Variants in NALCN observed in about 807,000 individuals in gnomAD.
NALCN encodes sodium leak channel NALCN.
In NALCN, 111 loss-of-function variants were observed where a neutral mutation model predicts 225.3. The observed-to-expected ratio is 0.49, with a 90% confidence interval of 0.42 to 0.58. The LOEUF (loss-of-function observed/expected upper bound fraction) is 0.58. Among genes scored for constraint, NALCN ranks in the 20% least tolerant of loss-of-function variants. The pLI is 0.00. For missense variants in NALCN, 1,378 were observed against 2,202.4 expected (o/e 0.63, Z 7.49); for synonymous variants, 764 against 769.0 (o/e 0.99, Z 0.11).
At chr13:101,259,659 T>G (rs1374089315) in intron 10 of NALCN, among the ~76,000 whole-genome samples, 1 of 150,426 alleles carries the variant, frequency 6.6e-6, no homozygotes, top group Non-Finnish European at 1.5e-5. Context: ...ATAAAGGTTA[T>G]CATGTATTAA....
chr13:101,417,177 TC>T (rs2047968588), upstream of NALCN, among the ~76,000 whole-genome samples: 2 of 152,072 alleles, frequency 1.3e-5, no homozygotes. Context: ...TTTAGGGAAA[TC>T]TGGCCTCCTA....
At chr13:101,187,009 C>T (rs1181830703) in intron 14 of NALCN, among the ~76,000 whole-genome samples, 1 of 152,102 alleles carries the variant, frequency 6.6e-6, no homozygotes, top group Non-Finnish European at 1.5e-5. Context: ...ACAATGTATG[C>T]ATGTATCAAA....
intron 7 of NALCN, among the ~76,000 whole-genome samples, chr13:101,295,779 C>T (rs1344595338): frequency 6.6e-6 from 1 of 152,196 alleles, no homozygotes; most frequent in East Asian, 1.9e-4. Flanking sequence ...GAAGAAGTAA[C>T]AGTTACAAAG....
intron 43 of NALCN, 58 bp from the exon 44 acceptor site, chr13:101,055,546 C>T (rs944239266): frequency 2.4e-5 from 35 of 1,457,292 alleles, no homozygotes; most frequent in Non-Finnish European, 3.3e-5. Flanking sequence ...ATTGTAATCA[C>T]TCCTAAAAAC....
intron 2 of NALCN, among the ~76,000 whole-genome samples, chr13:101,395,738 G>A (rs950167715): frequency 2.6e-5 from 4 of 151,926 alleles, no homozygotes; most frequent in Admixed American, 1.3e-4. Context: ...TAAAATATGT[G>A]TTTGTAATTT....
intron 18 of NALCN, among the ~76,000 whole-genome samples, chr13:101,120,159 T>C (rs1274460002): frequency 6.6e-6 from 1 of 152,202 alleles, no homozygotes; most frequent in Non-Finnish European, 1.5e-5. Context: ...TATAACATAC[T>C]TTCTGCTAGA....
intron 7 of NALCN, among the ~76,000 whole-genome samples, chr13:101,303,944 T>C (rs184222788): frequency 6.6e-6 from 1 of 152,326 alleles, no homozygotes; most frequent in Admixed American, 6.5e-5. Context: ...AACTCTAACA[T>C]GCAGAGAAAT....
chr13:101,306,026 G>A (rs1456725194), intron 7 of NALCN, among the ~76,000 whole-genome samples: 7 of 152,076 alleles, frequency 4.6e-5, no homozygotes, highest in African/African-American at 1.7e-4. Flanking sequence ...ACCATGTGAA[G>A]AGCCACAATT....
intron 9 of NALCN, among the ~76,000 whole-genome samples, chr13:101,290,664 A>G (rs777545592): frequency 6.6e-6 from 1 of 152,212 alleles, no homozygotes; most frequent in Non-Finnish European, 1.5e-5. Context: ...CATCATAAAG[A>G]TGCCTCAACA....
At chr13:101,123,029 C>A (rs2036055623) in intron 18 of NALCN, among the ~76,000 whole-genome samples, 1 of 152,132 alleles carries the variant, frequency 6.6e-6, no homozygotes, top group South Asian at 2.1e-4. Context: ...TTTCACCTTT[C>A]TTTTGTAAAC....
intron 26 of NALCN, among the ~76,000 whole-genome samples, chr13:101,102,552 C>A (rs1212497901): frequency 6.6e-6 from 1 of 152,130 alleles, no homozygotes; most frequent in African/African-American, 2.4e-5. Context: ...GAGCCTCTTT[C>A]TTGTTGTTTT....
At chr13:101,354,142 G>C (rs1173507314) in intron 6 of NALCN, among the ~76,000 whole-genome samples, 1 of 152,144 alleles carries the variant, frequency 6.6e-6, no homozygotes, top group African/African-American at 2.4e-5. Context: ...TCAGGAATTC[G>C]AGACCAGCCT....
chr13:101,413,260 A>G (rs1319678059), intron 1 of NALCN, among the ~76,000 whole-genome samples: 1 of 152,170 alleles, frequency 6.6e-6, no homozygotes, highest in Non-Finnish European at 1.5e-5. Context: ...TTTATCATAA[A>G]TAAATTATAA....
At chr13:101,226,995 C>G (rs1037300029) in intron 13 of NALCN, among the ~76,000 whole-genome samples, 1 of 152,194 alleles carries the variant, frequency 6.6e-6, no homozygotes, top group Non-Finnish European at 1.5e-5. Context: ...AGAGCCCTCC[C>G]TCCCCCATGC....
intron 3 of NALCN, among the ~76,000 whole-genome samples, chr13:101,390,164 C>G (rs796121704): frequency 3.3e-5 from 5 of 151,910 alleles, no homozygotes; most frequent in African/African-American, 9.7e-5. Context: ...AGACTATAAT[C>G]GAATATGACA....
chr13:101,190,806 G>T (rs973982573), intron 14 of NALCN, among the ~76,000 whole-genome samples: 17 of 152,194 alleles, frequency 1.1e-4, no homozygotes, highest in African/African-American at 3.9e-4. Context: ...TGTTTGATGT[G>T]AGTGATTCTT....
At chr13:101,199,215 C>T (rs1433526262) in intron 13 of NALCN, among the ~76,000 whole-genome samples, 1 of 151,662 alleles carries the variant, frequency 6.6e-6, no homozygotes, top group Non-Finnish European at 1.5e-5. Flanking sequence ...GTACAGCACA[C>T]CAACATGGCA....
intron 15 of NALCN, among the ~76,000 whole-genome samples, chr13:101,146,952 A>G (rs12872257): frequency 0.25 from 37,553 of 152,060 alleles, 5,338 homozygotes; most frequent in Non-Finnish European, 0.32. Context: ...AAATGAAGGC[A>G]CTACTTCTAC....
chr13:101,334,554 A>T (rs1344142562), intron 7 of NALCN, among the ~76,000 whole-genome samples: 3 of 152,178 alleles, frequency 2.0e-5, no homozygotes, highest in Non-Finnish European at 4.4e-5. Context: ...TTTCTTCAAT[A>T]TTTATGCATA....
Sources: gnomAD v4.1 joint callset for allele counts (sites outside exome capture counted in the v4.1 genomes callset) on GRCh38, gnomAD v4.1.1 for gene constraint, MANE v1.5 for transcripts, NCBI Gene and HGNC (gene_info 2026-07-23, HGNC 2026-07-21) for gene names.